The following SLC6A2 variants were observed in gnomAD, a reference collection of about 807,000 sequenced individuals.
The protein encoded by SLC6A2 is sodium-dependent noradrenaline transporter.
Under a neutral mutation model 71.7 loss-of-function variants are expected in SLC6A2, and 26 were observed. The observed-to-expected ratio is 0.36, with a 90% CI of 0.27 to 0.50. The LOEUF is 0.50. Among genes scored for constraint, SLC6A2 ranks in the 20% least tolerant of loss-of-function variants. SLC6A2 has a pLI of 0.96. For synonymous variants in SLC6A2, 363 were observed against 337.9 expected, an observed-to-expected ratio of 1.07 and a Z score of -0.82; for missense variants, 581 against 803.9, an observed-to-expected ratio of 0.72 and a Z score of 3.35.
Position 55,703,621 on chromosome 16 carries a change from A to C in SLC6A2, c.*1275A>C, listed in dbSNP as rs368036082. The C allele has an allele frequency of 9.1e-6, 9 of 985,320 alleles. No homozygotes were observed. Among genetic ancestry groups the C allele is most frequent in the Middle Eastern group, 5.2e-4 (1 of 1,938 alleles). 61.0% of individuals were successfully genotyped at this position (985,320 alleles called of 1,614,324 possible). ...TGGTGGTGTTTAGTTTTAGTTCCGTAAGAGAAATGATTCCTAGTTTGCTAA... is the reference window on the plus strand; with the variant it reads ...TGGTGGTGTTTAGTTTTAGTTCCGTCAGAGAAATGATTCCTAGTTTGCTAA... On this transcript the variant is annotated 3_prime_UTR_variant, in exon 15 of 15. Transcript: ENST00000568943.
chr16:55,691,769 C>G (rs1226041966), intron 5 of SLC6A2, 149 bp from the exon 6 acceptor site: 25 of 910,282 alleles, frequency 2.7e-5, no homozygotes, highest in Non-Finnish European at 3.8e-5. Flanking sequence ...AGGGCCTTGC[C>G]TAGAGCTGGA....
chr16:55,669,731 A>C (rs367584209), intron 3 of SLC6A2, 35 bp downstream of exon 3: 3 of 1,613,380 alleles, frequency 1.9e-6, no homozygotes, highest in Non-Finnish European at 1.7e-6. Flanking sequence ...ACGGTTGTTC[A>C]TAAAGGCTTC....
At chr16:55,678,874 G>T (rs868151890) in intron 4 of SLC6A2, among the ~76,000 whole-genome samples, 1 of 152,226 alleles carries the variant, frequency 6.6e-6, no homozygotes, top group African/African-American at 2.4e-5. Flanking sequence ...GCCTGCTGGG[G>T]GAAGGAGGCT....
At chr16:55,689,288 G>T (rs1965543745) in intron 5 of SLC6A2, among the ~76,000 whole-genome samples, 1 of 152,190 alleles carries the variant, frequency 6.6e-6, no homozygotes, top group South Asian at 2.1e-4. Flanking sequence ...TGCCAATTCT[G>T]AGAATCTTCA....
At chr16:55,685,049 C>A in intron 4 of SLC6A2, 94 bp from the exon 5 acceptor site, 1 of 1,246,050 alleles carries the variant, frequency 8.0e-7, no homozygotes, top group Non-Finnish European at 1.2e-6. Flanking sequence ...CTGTCTCCAT[C>A]AGCATGCATT....
At chr16:55,680,006 C>T (rs1965220240) in intron 4 of SLC6A2, among the ~76,000 whole-genome samples, 1 of 152,218 alleles carries the variant, frequency 6.6e-6, no homozygotes, top group South Asian at 2.1e-4. Flanking sequence ...ATACCAGCAG[C>T]ATCTCCCTCC....
At chr16:55,696,851 T>C (rs1451750028) in intron 9 of SLC6A2, among the ~76,000 whole-genome samples, 1 of 151,968 alleles carries the variant, frequency 6.6e-6, no homozygotes, top group Non-Finnish European at 1.5e-5. Flanking sequence ...GAGCATGGTG[T>C]TGTATGCCTG....
intron 2 of SLC6A2, among the ~76,000 whole-genome samples, chr16:55,664,598 G>A (rs17307291): frequency 0.75 from 113,393 of 152,112 alleles, 42,449 homozygotes; most frequent in African/African-American, 0.81. Context: ...ACAAGACATG[G>A]GTCCCATTTA....
In SLC6A2 at chr16:55,696,319, G is replaced by A. The variant is rs747521871; in HGVS notation, c.1242G>A (p.Ala414=). 139 of 1,610,130 alleles carry A rather than the reference G, an allele frequency of 8.6e-5. No homozygotes were observed. Among genetic ancestry groups the A allele is most frequent in the Non-Finnish European group, 9.8e-5 (115 of 1,177,154 alleles). The stretch of plus-strand genomic sequence containing the variant: ...TTGTGTTTTTCGTCATGCTCCTGGC[G>A]CTGGGCCTTGACAGCTCAGTGAGTG... The part of the protein sequence containing the change: ...WAVVFFVMLL[A]LGLDSSMGGM... Residue 414 remains alanine (A), a synonymous_variant, in exon 9 of 15, where the codon GCG becomes GCA. Coordinates refer to ENST00000568943, the MANE Select transcript of SLC6A2 (RefSeq NM_001172501.3).
At chr16:55,671,661 C>A (rs1360332561) in intron 3 of SLC6A2, 1 of 611,018 alleles carries the variant, frequency 1.6e-6, no homozygotes, top group Non-Finnish European at 2.8e-6. Flanking sequence ...ACTGCGCATG[C>A]GAGGGATCTA....
intron 4 of SLC6A2, among the ~76,000 whole-genome samples, chr16:55,683,666 C>A (rs1225192504): frequency 1.3e-5 from 2 of 151,838 alleles, no homozygotes; most frequent in South Asian, 2.1e-4. Flanking sequence ...AGAAAAAAAA[C>A]CCAAACACTT....
chr16:55,660,435 C>G (rs1964580391), intron 2 of SLC6A2, among the ~76,000 whole-genome samples: 1 of 152,230 alleles, frequency 6.6e-6, no homozygotes, highest in African/African-American at 2.4e-5. Flanking sequence ...TACCCCTCAT[C>G]CCTTCAGACA....
chr16:55,692,335 G>T lies in SLC6A2; in HGVS notation c.918+283G>T, dbSNP rs543848867. On this transcript the variant is annotated intron_variant, in intron 6 of 14. Transcript: ENST00000568943. ...GAGGAGAGAAATTCCCTGTGAAGAGGACATGATGTCTTGGGACCTTGCTCT... is the reference window on the plus strand; with the variant it reads ...GAGGAGAGAAATTCCCTGTGAAGAGTACATGATGTCTTGGGACCTTGCTCT... Among the ~76,000 whole-genome samples the T allele has an allele frequency of 6.4e-4, 98 of 152,306 alleles. No homozygotes were observed. The South Asian group carries it at 0.02, about 31-fold the overall frequency.
At chr16:55,693,569 T>C (rs978593597) in intron 6 of SLC6A2, among the ~76,000 whole-genome samples, 1 of 152,226 alleles carries the variant, frequency 6.6e-6, no homozygotes, top group Non-Finnish European at 1.5e-5. Flanking sequence ...GTAAGCCCCA[T>C]TGGCCCCCAA....
intron 4 of SLC6A2, among the ~76,000 whole-genome samples, chr16:55,674,201 T>A (rs1965011252): frequency 6.6e-6 from 1 of 152,038 alleles, no homozygotes; most frequent in Non-Finnish European, 1.5e-5. Context: ...CTCCTCACTC[T>A]TGTTGTCCCC....
At position 55,672,032 on chromosome 16, in the gene SLC6A2, C is replaced by T. The variant is rs372580146; in HGVS notation, c.501C>T (p.Phe167=). ...CACTCTACTACCTCTTCTCCTCCTTCACCCTCAACCTGCCCTGGACCGACT... is the reference window on the plus strand; with the variant it reads ...CACTCTACTACCTCTTCTCCTCCTTTACCCTCAACCTGCCCTGGACCGACT... The part of the protein sequence containing the change: ...AWSLYYLFSS[F]TLNLPWTDCG... The change falls in exon 4 of 15, where the codon TTC becomes TTT. Residue 167 remains phenylalanine (F), a synonymous_variant. Coordinates refer to ENST00000568943, the MANE Select transcript of SLC6A2 (RefSeq NM_001172501.3). 2 of 1,614,098 alleles carry T rather than the reference C, an allele frequency of 1.2e-6. No individual in the cohort carries two copies. The highest frequency in any genetic ancestry group is 2.7e-5 in the African/African-American group (2 of 74,924).
At chr16:55,687,435 G>A (rs1305203122) in intron 5 of SLC6A2, among the ~76,000 whole-genome samples, 1 of 152,232 alleles carries the variant, frequency 6.6e-6, no homozygotes, top group East Asian at 1.9e-4. Context: ...TAGAGAAGGT[G>A]GCATTCGAGC....
At chr16:55,681,826 G>T (rs1965280885) in intron 4 of SLC6A2, among the ~76,000 whole-genome samples, 1 of 152,242 alleles carries the variant, frequency 6.6e-6, no homozygotes. Context: ...CCATTAATGT[G>T]TGTTTTGGAA....
intron 4 of SLC6A2, among the ~76,000 whole-genome samples, chr16:55,677,083 T>C (rs1299539127): frequency 2.0e-5 from 3 of 152,206 alleles, no homozygotes; most frequent in Non-Finnish European, 4.4e-5. Flanking sequence ...TGCGCTCTTC[T>C]GTCTTGGAGT....
Sources: gnomAD v4.1 joint callset for allele counts (sites outside exome capture counted in the v4.1 genomes callset) on GRCh38, gnomAD v4.1.1 for gene constraint, MANE v1.5 for transcripts, NCBI Gene and HGNC (gene_info 2026-07-23, HGNC 2026-07-21) for gene names.